Variants in MYBL2 observed in about 807,000 individuals in gnomAD.
MYBL2 encodes the protein myb-related protein B.
MYBL2 carries 28 observed loss-of-function variants against 79.9 expected under a neutral mutation model. The ratio of observed to expected loss-of-function variants is 0.35; its 90% CI spans 0.26 to 0.48. The LOEUF (loss-of-function observed/expected upper bound fraction) is 0.48. Among genes scored for constraint, MYBL2 ranks in the 20% least tolerant of loss-of-function variants. The pLI is 0.99. For synonymous variants in MYBL2, 378 were observed against 361.2 expected, an observed-to-expected ratio of 1.05 and a Z score of -0.53; for missense variants, 735 against 893.9, an observed-to-expected ratio of 0.82 and a Z score of 2.27.
chr20:43,668,688 T>G (rs1307307042), intron 1 of MYBL2, among the ~76,000 whole-genome samples: 9 of 144,842 alleles, frequency 6.2e-5, no homozygotes, highest in Non-Finnish European at 1.4e-4. Flanking sequence ...TGCCCTGGTT[T>G]TTTTTTTTTT....
At chr20:43,675,862 G>A (rs978466921) in intron 2 of MYBL2, among the ~76,000 whole-genome samples, 2 of 150,574 alleles carry the variant, frequency 1.3e-5, no homozygotes, top group East Asian at 3.9e-4. Flanking sequence ...GGAGTTTGAT[G>A]TACAGGTTAT....
At chr20:43,678,297 A>T (rs1987060728) in intron 2 of MYBL2, among the ~76,000 whole-genome samples, 1 of 94,300 alleles carries the variant, frequency 1.1e-5, no homozygotes, top group African/African-American at 3.6e-5. Flanking sequence ...AAGAATGATC[A>T]ATAAAAAAAT....
intron 6 of MYBL2, among the ~76,000 whole-genome samples, chr20:43,694,844 G>T (rs1367448236): frequency 6.6e-6 from 1 of 152,112 alleles, no homozygotes; most frequent in Non-Finnish European, 1.5e-5. Flanking sequence ...GAGAAACAGC[G>T]GGCATCAGCC....
At chr20:43,689,345 T>C (rs117196640) in intron 5 of MYBL2, among the ~76,000 whole-genome samples, 1 of 152,334 alleles carries the variant, frequency 6.6e-6, no homozygotes, top group East Asian at 1.9e-4. Context: ...GGGCTTCCCC[T>C]GACACTTGGG....
At chr20:43,667,964 G>C (rs900700294) in intron 1 of MYBL2, among the ~76,000 whole-genome samples, 3 of 152,080 alleles carry the variant, frequency 2.0e-5, no homozygotes, top group African/African-American at 7.2e-5. Flanking sequence ...GGGAGAGAGA[G>C]AGTCCCTGGG....
At chr20:43,673,672 TAAAAAG>T (rs781215738) in intron 1 of MYBL2, 128 bp from the exon 2 acceptor site, 3 of 832,906 alleles carry the variant, frequency 3.6e-6, no homozygotes, top group Non-Finnish European at 6.3e-6. Flanking sequence ...GCCTATGTCT[TAAAAAG>T]AAGAAAAAGT....
Position 43,715,944 on chromosome 20 carries a change from C to T in MYBL2, c.1975-15C>T, listed in dbSNP as rs751012856. 6.2e-7 allele frequency: 1 copy of T among 1,606,292 alleles called. No homozygotes were observed. Among genetic ancestry groups the T allele is most frequent in the Non-Finnish European group, 8.5e-7 (1 of 1,177,634 alleles). On this transcript the variant is annotated splice_polypyrimidine_tract_variant and intron_variant, in intron 13 of 13. Coordinates refer to ENST00000217026, the MANE Select transcript of MYBL2 (RefSeq NM_002466.4). Reference sequence around the variant, plus strand: ...TAGTCCCTGCCTGGATGGTAACCCTCTTGCCTCCTCCCAGATGTCCAGTGC... The same window carrying T: ...TAGTCCCTGCCTGGATGGTAACCCTTTTGCCTCCTCCCAGATGTCCAGTGC...
At chr20:43,678,434 G>C (rs1987067566) in intron 2 of MYBL2, among the ~76,000 whole-genome samples, 1 of 152,192 alleles carries the variant, frequency 6.6e-6, no homozygotes, top group African/African-American at 2.4e-5. Flanking sequence ...TGCAGAGCCA[G>C]GTTAGCTTGG....
chr20:43,671,395 A>G lies in MYBL2; in HGVS notation c.21-2411A>G, dbSNP rs1301911684. Among the ~76,000 whole-genome samples the G allele has an allele frequency of 2.0e-5, 3 of 148,884 alleles. No individual in the cohort carries two copies. In the Admixed American group the frequency reaches 2.0e-4, roughly 10 times the overall value. On this transcript the variant is annotated intron_variant, in intron 1 of 13. Coordinates refer to ENST00000217026, the MANE Select transcript of MYBL2 (RefSeq NM_002466.4). Reference sequence around the variant, plus strand: ...CTGGTCTCGAACTCCTGACCTTGTGATCCACCCACCTCGGCCTCCCAAAGT... The same window carrying G: ...CTGGTCTCGAACTCCTGACCTTGTGGTCCACCCACCTCGGCCTCCCAAAGT...
At chr20:43,673,987 T>C in intron 2 of MYBL2, 88 bp downstream of exon 2, 1 of 1,193,158 alleles carries the variant, frequency 8.4e-7, no homozygotes, top group Non-Finnish European at 1.2e-6. Flanking sequence ...TCTCATCAGA[T>C]GGGATGAAGA....
chr20:43,702,070 T>C (rs1987685076), intron 7 of MYBL2, among the ~76,000 whole-genome samples: 1 of 152,122 alleles, frequency 6.6e-6, no homozygotes, highest in Non-Finnish European at 1.5e-5. Flanking sequence ...GAGGTTGCAG[T>C]GAGCCGAGGT....
chr20:43,707,378 ATCC>A, intron 9 of MYBL2, among the ~76,000 whole-genome samples: 5 of 151,914 alleles, frequency 3.3e-5, no homozygotes, highest in African/African-American at 1.2e-4. Context: ...TTTCTTTCTT[ATCC>A]ATGTGGCCTC....
chr20:43,674,234 C>CTCTT, intron 2 of MYBL2, among the ~76,000 whole-genome samples: 1 of 72,230 alleles, frequency 1.4e-5, no homozygotes, highest in African/African-American at 4.3e-5. Flanking sequence ...TCCCCCCACC[C>CTCTT]TTTTTTTTTT....
At chr20:43,687,241 C>G (rs891006010) in intron 5 of MYBL2, among the ~76,000 whole-genome samples, 169 bp downstream of exon 5, 9 of 152,110 alleles carry the variant, frequency 5.9e-5, no homozygotes, top group Non-Finnish European at 1.2e-4. Flanking sequence ...AAGGGTGGTT[C>G]CCCAGGGAAG....
chr20:43,705,513 G>A (rs1987760472), intron 9 of MYBL2, among the ~76,000 whole-genome samples, 155 bp downstream of exon 9: 2 of 152,014 alleles, frequency 1.3e-5, no homozygotes, highest in African/African-American at 2.4e-5. Context: ...TGGCCACCAC[G>A]ATTTATCATT....
rs372554101 is a variant in MYBL2 at position 43,715,489 on chromosome 20, T to C, written c.1974+206T>C. Among the ~76,000 whole-genome samples, 39 of 152,368 alleles carry C rather than the reference T, an allele frequency of 2.6e-4. No homozygotes were observed. The South Asian group carries it at 8.1e-3, about 32-fold the overall frequency. ...ACTCTTCTGATTTCAGTCTCAATGC[T>C]GCTTCCTTAGGGGTAAGCCTTCTCT... is the stretch of plus-strand genomic sequence containing the variant. On this transcript the variant is annotated intron_variant, in intron 13 of 13. Transcript: ENST00000217026.
chr20:43,699,788 C>T lies in MYBL2; in HGVS notation c.695C>T (p.Pro232Leu). The change falls in exon 7 of 14, where the codon CCT becomes CTT. Residue 232 changes from proline to leucine, a missense_variant. Pro to Leu is a moderately conservative substitution (Grantham distance 98). Around this residue, in one of 5 missense-constraint regions of MYBL2, gnomAD observed 144 missense variants for 131.9 expected, o/e 1.09. Transcript: ENST00000217026. The part of the protein sequence containing the change: ...GSLLTNWPSV[P>L]PTIKEEENSE... ...CTTCTGACCAACTGGCCCTCCGTCCCTCCTACCATAAAGGAGGAGGAAAAC... is the reference window on the plus strand; with the variant it reads ...CTTCTGACCAACTGGCCCTCCGTCCTTCCTACCATAAAGGAGGAGGAAAAC... 6.2e-7 allele frequency: 1 copy of T among 1,614,186 alleles called. No individual in the cohort carries two copies. Among genetic ancestry groups the T allele is most frequent in the South Asian group, 1.1e-5 (1 of 91,086 alleles).
chr20:43,686,208 T>C (rs1174358478), intron 4 of MYBL2, among the ~76,000 whole-genome samples: 3 of 152,212 alleles, frequency 2.0e-5, no homozygotes, highest in Non-Finnish European at 4.4e-5. Flanking sequence ...TCTTGTGGCC[T>C]GTGTGCACAT....
At chr20:43,705,143 C>T (rs1043385865) in intron 8 of MYBL2, 76 bp from the exon 9 acceptor site, 9 of 1,550,250 alleles carry the variant, frequency 5.8e-6, no homozygotes, top group Non-Finnish European at 7.0e-6. Context: ...AGGATCTCTC[C>T]CCATGATCCC....
Sources: allele counts gnomAD v4.1 joint callset (sites outside exome capture counted in the v4.1 genomes callset), GRCh38; gene constraint gnomAD v4.1.1; regional missense constraint gnomAD v4.1.1; transcripts MANE v1.5; gene names NCBI Gene and HGNC (gene_info 2026-07-23, HGNC 2026-07-21).